The following GABRA1 variants were observed in gnomAD, a reference collection of about 807,000 sequenced individuals.
GABRA1 encodes the protein gamma-aminobutyric acid receptor subunit alpha-1.
In GABRA1, 9 loss-of-function variants were observed where a neutral mutation model predicts 48.9. The ratio of observed to expected loss-of-function variants is 0.18; its 90% CI spans 0.11 to 0.32. The LOEUF is 0.32. GABRA1 is among the 10% of genes least tolerant of loss of function. GABRA1 has a pLI of 1.00. For missense variants in GABRA1, 285 were observed against 553.8 expected, an observed-to-expected ratio of 0.51 and a Z score of 4.87; for synonymous variants, 210 against 198.7, an observed-to-expected ratio of 1.06 and a Z score of -0.48.
At chr5:161,872,535 A>G (rs908428757) in intron 4 of GABRA1, among the ~76,000 whole-genome samples, 1 of 152,110 alleles carries the variant, frequency 6.6e-6, no homozygotes, top group Non-Finnish European at 1.5e-5. Context: ...TGTTTTCACA[A>G]TCTTCTTTAA....
chr5:161,847,252 A>C (rs1202647349), upstream of GABRA1: 2 of 152,132 alleles, frequency 1.3e-5, no homozygotes, highest in Admixed American at 1.3e-4. Context: ...GACTTCTAAA[A>C]ATTCCTCCTC....
chr5:161,848,853 C>T (rs1757324365), intron 1 of GABRA1: 1 of 403,988 alleles, frequency 2.5e-6, no homozygotes, highest in Non-Finnish European at 4.9e-6. Context: ...AGTTAAGACG[C>T]TGGGACGGAA....
intron 7 of GABRA1, among the ~76,000 whole-genome samples, chr5:161,883,261 C>T (rs1033663605): frequency 7.2e-5 from 11 of 152,188 alleles, no homozygotes; most frequent in East Asian, 1.9e-4. Flanking sequence ...AAGCATCTTC[C>T]GCAGCTAAAG....
intron 1 of GABRA1, chr5:161,850,570 C>T (rs2057238496): frequency 1.7e-6 from 1 of 590,518 alleles, no homozygotes; most frequent in Non-Finnish European, 3.0e-6. Context: ...AGCTTGTATT[C>T]TTTTACAGGA....
At chr5:161,865,903 T>A in intron 4 of GABRA1, 115 bp downstream of exon 4, 1 of 775,878 alleles carries the variant, frequency 1.3e-6, no homozygotes, top group Non-Finnish European at 2.3e-6. Flanking sequence ...GCTATACTTT[T>A]GTGTCTTTCT....
rs765763751 is a variant in GABRA1, at chr5:161,854,147, T to C, written c.75-11T>C. The C allele has an allele frequency of 5.7e-6, 8 of 1,409,708 alleles. No homozygotes were observed. The highest frequency in any genetic ancestry group is 8.0e-6 in the Non-Finnish European group (8 of 998,198). The allele number at this position is 1,409,708 out of a possible 1,614,324, so 87.3% of individuals were successfully genotyped here. ...AATTTAGCTATTGCTTCTCTTTATG[T>C]TTTTTTTCAGCTATGGACAGCCGTC... On this transcript the variant is annotated splice_polypyrimidine_tract_variant and intron_variant, in intron 2 of 9. Transcript: ENST00000393943.
intron 3 of GABRA1, among the ~76,000 whole-genome samples, chr5:161,858,066 A>G (rs76353036): frequency 0.078 from 11,769 of 151,438 alleles, 541 homozygotes; most frequent in East Asian, 0.17. Context: ...GGAAGTGAAG[A>G]AGAGCAAAAC....
rs779065852 is a variant in GABRA1, at chr5:161,850,863, T to C, written c.53T>C (p.Leu18Pro). 1 of 1,613,966 alleles carries C rather than the reference T, an allele frequency of 6.2e-7. No individual in the cohort carries two copies. Among genetic ancestry groups the C allele is most frequent in the Admixed American group, 1.7e-5 (1 of 60,016 alleles). Residue 18 changes from leucine (L) to proline (P), a missense_variant, in exon 2 of 10, where the codon CTG (leucine) becomes CCG (proline). Transcript: ENST00000393943. ...TGTCTTTGGGCCTGGATCCTCCTTC[T>C]GAGCACACTGACTGGAAGAAGGTGG... ...SDCLWAWILL[L>P]STLTGRSYGQ...
chr5:161,867,008 C>A (rs982662002), intron 4 of GABRA1, among the ~76,000 whole-genome samples: 8 of 152,120 alleles, frequency 5.3e-5, no homozygotes, highest in Admixed American at 2.0e-4. Flanking sequence ...AGATCAGTTT[C>A]TTCATGTATA....
chr5:161,853,492 G>C (rs1461471452), intron 2 of GABRA1, among the ~76,000 whole-genome samples: 1 of 151,730 alleles, frequency 6.6e-6, no homozygotes, highest in East Asian at 1.9e-4. Context: ...TATTGAACTT[G>C]ATCTTTCTAA....
chr5:161,866,653 A>T (rs1156966177), intron 4 of GABRA1, among the ~76,000 whole-genome samples: 1 of 152,146 alleles, frequency 6.6e-6, no homozygotes, highest in Non-Finnish European at 1.5e-5. Flanking sequence ...AAAAGCCCTG[A>T]CAAGTTCTGA....
At chr5:161,885,988 C>G (rs1192195309) in intron 7 of GABRA1, among the ~76,000 whole-genome samples, 1 of 152,152 alleles carries the variant, frequency 6.6e-6, no homozygotes, top group Admixed American at 6.6e-5. Flanking sequence ...AGATAAATAG[C>G]TAACATGCAT....
At chr5:161,848,950 C>T in intron 1 of GABRA1, 1 of 455,100 alleles carries the variant, frequency 2.2e-6, no homozygotes. Context: ...CCAGTGGACG[C>T]TGGTGAAATG....
At chr5:161,891,876 T>C (rs904715192) in intron 8 of GABRA1, among the ~76,000 whole-genome samples, 1 of 152,218 alleles carries the variant, frequency 6.6e-6, no homozygotes, top group African/African-American at 2.4e-5. Context: ...TGAGTAATCA[T>C]AAAATCAAAT....
rs1478317731 is a variant in GABRA1, at chr5:161,848,925, C to T, written c.-16+503C>T. The T allele has an allele frequency of 1.3e-5, 6 of 453,934 alleles. No homozygotes were observed. The East Asian group carries it at 4.3e-4, about 32-fold the overall frequency. 28.1% of individuals were successfully genotyped at this position (453,934 alleles called of 1,614,324 possible). The stretch of plus-strand genomic sequence containing the variant: ...CGCTCTTGTCCTGGCTGCAAAATTG[C>T]CTGTTTTTCCCTTTCCAGTGGACGC... On this transcript the variant is annotated intron_variant, in intron 1 of 9. Transcript: ENST00000393943.
At chr5:161,873,669 A>T (rs1255166431) in intron 5 of GABRA1, among the ~76,000 whole-genome samples, 3 of 152,178 alleles carry the variant, frequency 2.0e-5, no homozygotes, top group Non-Finnish European at 2.9e-5. Context: ...CCATCTAATG[A>T]TCTACATCTG....
intron 3 of GABRA1, among the ~76,000 whole-genome samples, chr5:161,856,188 G>T (rs1757637933): frequency 2.0e-5 from 3 of 151,266 alleles, no homozygotes; most frequent in Admixed American, 2.0e-4. Flanking sequence ...AAGATATAAA[G>T]ATTAGACTGA....
chr5:161,874,303 T>G (rs1053220383), intron 5 of GABRA1, among the ~76,000 whole-genome samples: 3 of 152,136 alleles, frequency 2.0e-5, no homozygotes, highest in Admixed American at 2.0e-4. Flanking sequence ...CAAGAGACAC[T>G]TTGGATATTG....
At chr5:161,897,077 A>G (rs766852497) in intron 9 of GABRA1, 34 bp from the exon 10 acceptor site, 18 of 1,606,078 alleles carry the variant, frequency 1.1e-5, no homozygotes, top group Non-Finnish European at 1.5e-5. Context: ...CTCACTGTTT[A>G]CTAAACAAAA....
Sources: allele counts gnomAD v4.1 joint callset (sites outside exome capture counted in the v4.1 genomes callset), GRCh38; gene constraint gnomAD v4.1.1; transcripts MANE v1.5; gene names NCBI Gene and HGNC (gene_info 2026-07-23, HGNC 2026-07-21).